Variants in YME1L1 observed in about 807,000 individuals in gnomAD.
The protein encoded by YME1L1 is YME1 like 1 ATPase.
A neutral mutation model predicts 90.4 loss-of-function variants in YME1L1; 39 were observed. That is an observed-to-expected ratio of 0.43 (90% CI 0.33 to 0.56). The LOEUF is 0.56. Ranked by LOEUF, YME1L1 falls within the 20% of genes least tolerant of loss-of-function variation. The probability of loss-of-function intolerance (pLI) is 0.03; values close to 1 mark genes in which losing one functional copy is unlikely to be tolerated. For missense variants in YME1L1, 617 were observed against 868.4 expected (o/e 0.71, Z 3.64); for synonymous variants, 284 against 287.3 (o/e 0.99, Z 0.12).
intron 11 of YME1L1, 82 bp from the exon 12 acceptor site, chr10:27,121,530 G>A: frequency 1.9e-6 from 2 of 1,061,746 alleles, no homozygotes; most frequent in Non-Finnish European, 2.9e-6. Flanking sequence ...AAACTGGTTT[G>A]TTTTCTTTTT....
intron 1 of YME1L1, among the ~76,000 whole-genome samples, chr10:27,153,946 C>G (rs566071050): frequency 1.3e-5 from 2 of 152,118 alleles, no homozygotes; most frequent in Admixed American, 6.6e-5. Context: ...GGGTCTCTCT[C>G]TATCACTGAG....
chr10:27,120,909 A>C (rs1419656658), intron 12 of YME1L1, among the ~76,000 whole-genome samples: 1 of 152,240 alleles, frequency 6.6e-6, no homozygotes, highest in East Asian at 1.9e-4. Context: ...TTAGGCAGTG[A>C]CAAACTACTG....
At chr10:27,147,294 G>T (rs2057154079) in intron 2 of YME1L1, 2 of 847,682 alleles carry the variant, frequency 2.4e-6, no homozygotes, top group African/African-American at 1.7e-5. Context: ...AGGAGTTCGA[G>T]ATCAGCCTGG....
At position 27,147,573 on chromosome 10, in the gene YME1L1, T is replaced by G. The variant is rs759399217; in HGVS notation, c.168+1333A>C. The stretch of plus-strand genomic sequence containing the variant: ...TGTCCAAGCTCTTCTTCATCCTTTT[T>G]GCTGGCTCCATGAACATGGATCTGT... On this transcript the variant is annotated intron_variant, in intron 2 of 18. Transcript: ENST00000376016. 4 of 1,599,292 alleles carry G rather than the reference T, an allele frequency of 2.5e-6. No individual in the cohort carries two copies. In the East Asian group the frequency reaches 9.0e-5, roughly 36 times the overall value.
At chr10:27,140,417 T>A (rs975976230) in intron 4 of YME1L1, among the ~76,000 whole-genome samples, 1 of 152,246 alleles carries the variant, frequency 6.6e-6, no homozygotes, top group Non-Finnish European at 1.5e-5. Context: ...CCCGGTTTTA[T>A]TTCCATTCAG....
At position 27,111,805 on chromosome 10, in the gene YME1L1, C is replaced by CAGA. The variant is rs2135831054; in HGVS notation, c.*171_*172insTCT. The CAGA allele has an allele frequency of 3.6e-6, 3 of 840,262 alleles. No individual in the cohort carries two copies. The highest frequency in any genetic ancestry group is 5.9e-6 in the Non-Finnish European group (3 of 504,224). The allele number at this position is 840,262 out of a possible 1,614,324, so 52.1% of individuals were successfully genotyped here. A position where few individuals can be genotyped will look rare whatever the true frequency, so the allele number is the denominator to read the frequency against. ...TGGGATGCTAATTTGCAATAGGTGT[C>CAGA]ATAATGAGAATAACCCAAACTGGAT... On this transcript the variant is annotated 3_prime_UTR_variant, in exon 19 of 19. Coordinates refer to ENST00000376016, the MANE Select transcript of YME1L1 (RefSeq NM_014263.4).
chr10:27,122,231 C>CTACA (rs1429644972), intron 11 of YME1L1, among the ~76,000 whole-genome samples: 1 of 152,176 alleles, frequency 6.6e-6, no homozygotes, highest in African/African-American at 2.4e-5. Flanking sequence ...TCATCTCTGA[C>CTACA]TACATACCTT....
chr10:27,130,182 A>G (rs2056962371), intron 8 of YME1L1, among the ~76,000 whole-genome samples: 1 of 152,156 alleles, frequency 6.6e-6, no homozygotes, highest in Admixed American at 6.5e-5. Flanking sequence ...ATAGCATTTC[A>G]CATTGCTGAT....
chr10:27,144,390 G>C (rs967493076), intron 3 of YME1L1, among the ~76,000 whole-genome samples: 2 of 152,134 alleles, frequency 1.3e-5, no homozygotes, highest in Non-Finnish European at 2.9e-5. Context: ...GAAGGGTCAA[G>C]AATTAATGAA....
Position 27,110,679 on chromosome 10 carries a change from TTTTG to T in YME1L1, c.*1294_*1297del, listed in dbSNP as rs746003741. On this transcript the variant is annotated 3_prime_UTR_variant, in exon 19 of 19. Transcript: ENST00000376016. ...AGTTCACTTCGGAGGGGACTGAGAT[TTTTG>T]TTTAATTTTGCTTTTGAAACCAAGC... The T allele has an allele frequency of 1.3e-5, 2 of 152,188 alleles. No homozygotes were observed. The highest frequency in any genetic ancestry group is 2.9e-5 in the Non-Finnish European group (2 of 68,030). 9.4% of individuals were successfully genotyped at this position (152,188 alleles called of 1,614,324 possible).
chr10:27,147,328 T>C lies in YME1L1; in HGVS notation c.168+1578A>G, dbSNP rs184108428. On this transcript the variant is annotated intron_variant, in intron 2 of 18. Transcript: ENST00000376016. ...GGTGAAGAAAGCAAGACCCTGTCTT[T>C]ACAAAAAATTTAAAAATGATAAAAC... The C allele has an allele frequency of 1.9e-5, 24 of 1,234,986 alleles. No homozygotes were observed. The African/African-American group carries it at 3.2e-4, about 17-fold the overall frequency. 76.5% of individuals were successfully genotyped at this position (1,234,986 alleles called of 1,614,324 possible).
At chr10:27,120,613 A>G (rs1253596896) in intron 12 of YME1L1, 66 bp from the exon 13 acceptor site, 2 of 1,336,156 alleles carry the variant, frequency 1.5e-6, no homozygotes, top group East Asian at 4.7e-5. Flanking sequence ...AACAGGACTG[A>G]CACCCTAATG....
At chr10:27,135,492 T>C (rs1018955014) in intron 5 of YME1L1, among the ~76,000 whole-genome samples, 2 of 152,210 alleles carry the variant, frequency 1.3e-5, no homozygotes, top group Non-Finnish European at 2.9e-5. Context: ...GGTAAATCAA[T>C]GCTACCTCAG....
At chr10:27,145,384 T>C (rs773642161) in intron 3 of YME1L1, 44 bp downstream of exon 3, 19 of 1,462,430 alleles carry the variant, frequency 1.3e-5, no homozygotes, top group African/African-American at 2.8e-5. Context: ...TAATTATTAA[T>C]AGTGCTAAAA....
intron 4 of YME1L1, 29 bp from the exon 5 acceptor site, chr10:27,136,414 C>T: frequency 6.4e-7 from 1 of 1,565,336 alleles, no homozygotes; most frequent in Non-Finnish European, 8.8e-7. Context: ...TTCACTGTCA[C>T]TATAAATTGT....
intron 9 of YME1L1, among the ~76,000 whole-genome samples, chr10:27,125,641 A>ATTT (rs199852948): frequency 0.021 from 2,842 of 134,144 alleles, 130 homozygotes; most frequent in South Asian, 0.12. Flanking sequence ...TAAATGTCCT[A>ATTT]TTTTTTTTTT....
chr10:27,121,314 G>A, intron 12 of YME1L1, 72 bp downstream of exon 12: 1 of 1,052,000 alleles, frequency 9.5e-7, no homozygotes, highest in Non-Finnish European at 1.5e-6. Context: ...GTGATCTTTT[G>A]CAACGGACTT....
At position 27,134,105 on chromosome 10, in the gene YME1L1, G is replaced by C; in HGVS notation, c.709C>G (p.Arg237Gly). The change falls in exon 7 of 19, where the codon CGT becomes GGT. Residue 237 changes from arginine to glycine, a missense_variant. Transcript: ENST00000376016. ...QKTNDSLRRTRLILFVLLLFG... is the reference protein window; with the variant it reads ...QKTNDSLRRTGLILFVLLLFG... ...AGCAGCAGAACGAAGAGAATCAGAC[G>C]GGTTCGCCTTAGGGAATCTAGGAGA... The C allele has an allele frequency of 6.2e-7, 1 of 1,612,536 alleles. No homozygotes were observed. Among genetic ancestry groups the C allele is most frequent in the East Asian group, 2.2e-5 (1 of 44,836 alleles).
intron 4 of YME1L1, among the ~76,000 whole-genome samples, chr10:27,140,402 G>A (rs915499401): frequency 6.6e-6 from 1 of 152,192 alleles, no homozygotes; most frequent in Non-Finnish European, 1.5e-5. Flanking sequence ...CTGAGTGTCT[G>A]TAATCCCGGT....
Sources: gnomAD v4.1 joint callset for allele counts (sites outside exome capture counted in the v4.1 genomes callset) on GRCh38, gnomAD v4.1.1 for gene constraint, MANE v1.5 for transcripts, NCBI Gene and HGNC (gene_info 2026-07-23, HGNC 2026-07-21) for gene names.